SESN3: variants seen among roughly 807,000 people sequenced by gnomAD.
The protein encoded by SESN3 is sestrin 3, also known as sestrin-3.
In SESN3, 21 loss-of-function variants were observed where a neutral mutation model predicts 55.3. The ratio of observed to expected loss-of-function variants is 0.38; its 90% CI spans 0.27 to 0.55. The LOEUF is 0.55. Among genes scored for constraint, SESN3 ranks in the 20% least tolerant of loss-of-function variants. The pLI is 0.76. For synonymous variants in SESN3, 181 were observed against 203.1 expected, an observed-to-expected ratio of 0.89 and a Z score of 0.93; for missense variants, 408 against 604.3, an observed-to-expected ratio of 0.68 and a Z score of 3.41.
intron 2 of SESN3, among the ~76,000 whole-genome samples, chr11:95,192,419 T>C (rs944187120): frequency 2.0e-5 from 3 of 152,118 alleles, no homozygotes. Context: ...GAGTGGTTCA[T>C]TGTTTATTTG....
chr11:95,190,019 C>T (rs1336105005), intron 3 of SESN3, 58 bp from the exon 4 acceptor site: 2 of 1,310,622 alleles, frequency 1.5e-6, no homozygotes, highest in East Asian at 2.4e-5. Flanking sequence ...TTTCTTTCCA[C>T]TATTTCTAAA....
rs546394010 is a variant in SESN3 at position 95,172,970 on chromosome 11, C to T, written c.*285G>A. On this transcript the variant is annotated 3_prime_UTR_variant, in exon 10 of 10. Transcript: ENST00000536441. ...AAGGCGCTGAAGTTAAGCATTAATACGCCAGATTCATGATTTATGATCAGT... is the reference window on the plus strand; with the variant it reads ...AAGGCGCTGAAGTTAAGCATTAATATGCCAGATTCATGATTTATGATCAGT... The T allele has an allele frequency of 5.1e-5, 16 of 311,706 alleles. No individual in the cohort carries two copies. Among genetic ancestry groups the T allele is most frequent in the South Asian group, 2.3e-4 (2 of 8,638 alleles). The allele number at this position is 311,706 out of a possible 1,614,324, so 19.3% of individuals were successfully genotyped here. A position where few individuals can be genotyped will look rare whatever the true frequency, so the allele number is the denominator to read the frequency against.
chr11:95,195,342 G>A (rs902897632), intron 1 of SESN3, among the ~76,000 whole-genome samples: 2 of 152,070 alleles, frequency 1.3e-5, no homozygotes, highest in African/African-American at 4.8e-5. Context: ...GAACTGAAAG[G>A]TACTGCATTT....
rs1465194194 is a variant in SESN3, at chr11:95,171,110, T to G, written c.*2145A>C. 6.6e-6 allele frequency: 1 copy of G among 152,190 alleles called. No individual in the cohort carries two copies. Among genetic ancestry groups the G allele is most frequent in the Non-Finnish European group, 1.5e-5 (1 of 68,010 alleles). The allele number at this position is 152,190 out of a possible 1,614,324, so 9.4% of individuals were successfully genotyped here. ...CGCCTGCACAAAAATATAGGGCTAT[T>G]AATTGAAAGCATCTAGTAAAAAAAC... On this transcript the variant is annotated 3_prime_UTR_variant, in exon 10 of 10. Transcript: ENST00000536441.
chr11:95,172,932 TACAC>T lies in SESN3; in HGVS notation c.*319_*322del, dbSNP rs1859878533. ...GGGGTGGGGGGAGAAAAAATACACA[TACAC>T]ACAACCCAAAGGCGCTGAAGTTAAG... On this transcript the variant is annotated 3_prime_UTR_variant, in exon 10 of 10. Coordinates refer to ENST00000536441, the MANE Select transcript of SESN3 (RefSeq NM_144665.4). 4.4e-6 allele frequency: 1 copy of T among 229,314 alleles called. No individual in the cohort carries two copies. 14.2% of individuals were successfully genotyped at this position (229,314 alleles called of 1,614,324 possible). A position where few individuals can be genotyped will look rare whatever the true frequency, so the allele number is the denominator to read the frequency against.
In SESN3 at chr11:95,170,351, A is replaced by T. The variant is rs1766214226; in HGVS notation, c.*2904T>A. 6.6e-6 allele frequency: 1 copy of T among 152,224 alleles called. No individual in the cohort carries two copies. The highest frequency in any genetic ancestry group is 2.1e-4 in the South Asian group (1 of 4,838). The allele number at this position is 152,224 out of a possible 1,614,324, so 9.4% of individuals were successfully genotyped here. A position where few individuals can be genotyped will look rare whatever the true frequency, so the allele number is the denominator to read the frequency against. On this transcript the variant is annotated 3_prime_UTR_variant, in exon 10 of 10. Transcript: ENST00000536441. ...CAAAGTAAATAGACATTATTCAAGC[A>T]TACACATCAGTGGACTATGAAGACT...
intron 4 of SESN3, 27 bp downstream of exon 4, chr11:95,189,752 T>C: frequency 6.4e-7 from 1 of 1,551,046 alleles, no homozygotes; most frequent in Non-Finnish European, 8.7e-7. Flanking sequence ...AGCAAATTCC[T>C]TTTTATTTCA....
chr11:95,220,879 A>G (rs970013467), intron 1 of SESN3, among the ~76,000 whole-genome samples: 8 of 152,250 alleles, frequency 5.3e-5, no homozygotes, highest in African/African-American at 1.9e-4. Context: ...ATAAACTGTG[A>G]GTAATAATTC....
At chr11:95,200,753 G>C (rs968946784) in intron 1 of SESN3, among the ~76,000 whole-genome samples, 1 of 152,064 alleles carries the variant, frequency 6.6e-6, no homozygotes, top group African/African-American at 2.4e-5. Flanking sequence ...CCTCTGGATA[G>C]AGTCATTTGA....
rs566145374 is a variant in SESN3, at chr11:95,209,041, A to G, written c.79-15519T>C. ...ACTTCATGACTAAAACACCAAAAGC[A>G]ATGGCAACAAAAGCCAAAATAGACA... is the stretch of plus-strand genomic sequence containing the variant. On this transcript the variant is annotated intron_variant, in intron 1 of 9. Coordinates refer to ENST00000536441, the MANE Select transcript of SESN3 (RefSeq NM_144665.4). Among the ~76,000 whole-genome samples, 5 of 151,720 alleles carry G rather than the reference A, an allele frequency of 3.3e-5. No homozygotes were observed. In the South Asian group the frequency reaches 1.1e-3, roughly 32 times the overall value.
Position 95,189,761 on chromosome 11 carries a change from C to G in SESN3, c.525+18G>C. On this transcript the variant is annotated intron_variant, in intron 4 of 9. Coordinates refer to ENST00000536441, the MANE Select transcript of SESN3 (RefSeq NM_144665.4). ...GTCCTAAGCAAATTCCTTTTTATTT[C>G]AAAGAAACATTCAGTACCTGAATGT... The G allele has an allele frequency of 6.4e-7, 1 of 1,558,822 alleles. No individual in the cohort carries two copies. The highest frequency in any genetic ancestry group is 8.7e-7 in the Non-Finnish European group (1 of 1,155,756).
rs1859861605 is a variant in SESN3 at position 95,172,121 on chromosome 11, A to G, written c.*1134T>C. On this transcript the variant is annotated 3_prime_UTR_variant, in exon 10 of 10. Coordinates refer to ENST00000536441, the MANE Select transcript of SESN3 (RefSeq NM_144665.4). ...AAGGACACTTTTGCAGTGATATGAC[A>G]GGGGGAAAGTTTAGTTGAGTATTTT... 2.0e-5 allele frequency: 3 copies of G among 152,130 alleles called. No homozygotes were observed. Among genetic ancestry groups the G allele is most frequent in the Non-Finnish European group, 2.9e-5 (2 of 67,994 alleles). The allele number at this position is 152,130 out of a possible 1,614,324, so 9.4% of individuals were successfully genotyped here.
chr11:95,201,336 T>C (rs1489778968), intron 1 of SESN3: 2 of 152,026 alleles, frequency 1.3e-5, no homozygotes, highest in African/African-American at 4.8e-5. Flanking sequence ...TATTTAAAGA[T>C]GAATGGATTC....
chr11:95,208,334 C>T (rs1310898029), intron 1 of SESN3, among the ~76,000 whole-genome samples: 1 of 151,408 alleles, frequency 6.6e-6, no homozygotes, highest in East Asian at 1.9e-4. Context: ...TGAGGTTTAA[C>T]TTTATGTAAC....
Position 95,184,405 on chromosome 11 carries a change from A to G in SESN3, c.937+15T>C. 6.2e-7 allele frequency: 1 copy of G among 1,612,942 alleles called. No individual in the cohort carries two copies. Among genetic ancestry groups the G allele is most frequent in the Non-Finnish European group, 8.5e-7 (1 of 1,179,532 alleles). ...TCTAAGAACAACTAAAAGGCAAAAA[A>G]GTGCAAAAAAGCACCTGAATGAGGA... On this transcript the variant is annotated intron_variant, in intron 6 of 9. Coordinates refer to ENST00000536441, the MANE Select transcript of SESN3 (RefSeq NM_144665.4).
At chr11:95,201,515 T>C (rs1281991378) in intron 1 of SESN3, among the ~76,000 whole-genome samples, 2 of 152,070 alleles carry the variant, frequency 1.3e-5, no homozygotes, top group African/African-American at 2.4e-5. Context: ...TTAGAACACA[T>C]AGTGAACTTG....
chr11:95,198,802 T>C (rs1418832808), intron 1 of SESN3, among the ~76,000 whole-genome samples: 2 of 152,198 alleles, frequency 1.3e-5, no homozygotes, highest in Non-Finnish European at 2.9e-5. Flanking sequence ...GAATCTAGGC[T>C]ATTTCTACCA....
Position 95,177,827 on chromosome 11 carries a change from C to T in SESN3, c.1139G>A (p.Arg380Gln), listed in dbSNP as rs141908117. The part of the protein sequence containing the change: ...DIGHLLDEKF[R>Q]MVYNLTYNTM... ...GTTATATGTGAGATTGTAGACCATCCGAAACTTTTCATCAAGAAGATGTCC... is the reference window on the plus strand; with the variant it reads ...GTTATATGTGAGATTGTAGACCATCTGAAACTTTTCATCAAGAAGATGTCC... Residue 380 changes from arginine to glutamine, a missense_variant, in exon 8 of 10, where the codon CGG becomes CAG. Transcript: ENST00000536441. 12 of 1,603,010 alleles carry T rather than the reference C, an allele frequency of 7.5e-6. No individual in the cohort carries two copies. In the East Asian group the frequency reaches 9.0e-5, roughly 12 times the overall value.
intron 1 of SESN3, among the ~76,000 whole-genome samples, chr11:95,219,142 T>C: frequency 6.6e-6 from 1 of 152,306 alleles, no homozygotes; most frequent in East Asian, 1.9e-4. Flanking sequence ...GTTAATTATA[T>C]AGGTCATACT....
Sources: allele counts gnomAD v4.1 joint callset (sites outside exome capture counted in the v4.1 genomes callset), GRCh38; gene constraint gnomAD v4.1.1; transcripts MANE v1.5; gene names NCBI Gene and HGNC (gene_info 2026-07-23, HGNC 2026-07-21).